The following CSMD1 variants were observed in gnomAD, a reference collection of about 807,000 sequenced individuals.
CSMD1 encodes the protein CUB and sushi domain-containing protein 1.
In CSMD1, 213 loss-of-function variants were observed where a neutral mutation model predicts 417.5. The ratio of observed to expected loss-of-function variants is 0.51; its 90% CI spans 0.46 to 0.57. CSMD1 has a LOEUF of 0.57. Ranked by LOEUF, CSMD1 falls within the 20% of genes least tolerant of loss-of-function variation. The pLI is 0.00. For missense variants in CSMD1, 6,923 were observed against 4,529.7 expected (o/e 1.53, Z -15.17); for synonymous variants, 2,862 against 1,736.8 (o/e 1.65, Z -16.11).
chr8:3,942,757 T>C (rs1328153528), intron 5 of CSMD1, among the ~76,000 whole-genome samples: 3 of 152,188 alleles, frequency 2.0e-5, no homozygotes, highest in Non-Finnish European at 4.4e-5. Flanking sequence ...GTGAAGTCTG[T>C]ATTTATTACT....
At chr8:4,856,445 G>A (rs1446852877) in intron 1 of CSMD1, among the ~76,000 whole-genome samples, 1 of 141,190 alleles carries the variant, frequency 7.1e-6, no homozygotes, top group South Asian at 2.2e-4. Flanking sequence ...TGGACTAAAT[G>A]CTCCAATTAA....
chr8:3,788,283 CT>C (rs1338064340), intron 5 of CSMD1, among the ~76,000 whole-genome samples: 1 of 152,264 alleles, frequency 6.6e-6, no homozygotes, highest in East Asian at 1.9e-4. Context: ...TCTTAAGGAA[CT>C]TTTTCATAGC....
At position 3,924,236 on chromosome 8, in the gene CSMD1, G is replaced by C. The variant is rs74538299; in HGVS notation, c.818+73667C>G. Among the ~76,000 whole-genome samples the C allele has an allele frequency of 5.8e-3, 878 of 152,296 alleles. 9 individuals are homozygous for C. The highest frequency in any genetic ancestry group is 8.7e-3 in the Non-Finnish European group (591 of 68,028). On this transcript the variant is annotated intron_variant, in intron 5 of 69. Transcript: ENST00000635120. ...TCCATTTTTTCCTGGTCTTCAGAAAGATGCTGATGTTCTTGTAGGGATACC... is the reference window on the plus strand; with the variant it reads ...TCCATTTTTTCCTGGTCTTCAGAAACATGCTGATGTTCTTGTAGGGATACC...
intron 3 of CSMD1, among the ~76,000 whole-genome samples, chr8:4,057,806 C>T (rs561852772): frequency 2.0e-5 from 3 of 152,296 alleles, no homozygotes; most frequent in South Asian, 2.1e-4. Context: ...TTCCCCATTG[C>T]TTGTTTTTGT....
intron 5 of CSMD1, among the ~76,000 whole-genome samples, chr8:3,819,103 G>T (rs1801566414): frequency 1.3e-5 from 2 of 152,188 alleles, no homozygotes; most frequent in Non-Finnish European, 2.9e-5. Flanking sequence ...AGAGAAAAGT[G>T]TAGGAGGAGA....
intron 3 of CSMD1, among the ~76,000 whole-genome samples, chr8:4,212,174 T>TTATATATATATATATA (rs10682206): frequency 1.8e-4 from 26 of 145,710 alleles, no homozygotes; most frequent in African/African-American, 6.0e-4. Context: ...ACTTCCCTAT[T>TTATATATATATATATA]TATATATATA....
chr8:3,609,880 G>A (rs1372495140), intron 8 of CSMD1, among the ~76,000 whole-genome samples: 1 of 134,346 alleles, frequency 7.4e-6, no homozygotes, highest in Non-Finnish European at 1.5e-5. Context: ...GTGAAGTGGT[G>A]CGATCTCGGC....
At chr8:3,983,826 C>G (rs1365917686) in intron 5 of CSMD1, among the ~76,000 whole-genome samples, 2 of 144,972 alleles carry the variant, frequency 1.4e-5, no homozygotes, top group Non-Finnish European at 1.5e-5. Flanking sequence ...TCCAGAGCAC[C>G]TGGCAGATCT....
chr8:3,701,311 C>G (rs1290419535), intron 7 of CSMD1, among the ~76,000 whole-genome samples: 1 of 152,132 alleles, frequency 6.6e-6, no homozygotes, highest in Non-Finnish European at 1.5e-5. Context: ...TTTCTTCTCT[C>G]TTTATTTCTC....
intron 1 of CSMD1, among the ~76,000 whole-genome samples, chr8:4,745,811 T>C (rs905012738): frequency 1.7e-4 from 26 of 152,150 alleles, no homozygotes; most frequent in Non-Finnish European, 5.9e-5. Context: ...GAGATGCTAG[T>C]ACAAATGAGG....
intron 1 of CSMD1, among the ~76,000 whole-genome samples, chr8:4,897,574 C>T (rs1320769108): frequency 6.6e-6 from 1 of 151,888 alleles, no homozygotes; most frequent in African/African-American, 2.4e-5. Flanking sequence ...TTTGTTACTC[C>T]GTTTTATAAA....
chr8:4,101,623 A>C (rs866381006), intron 3 of CSMD1, among the ~76,000 whole-genome samples: 1 of 152,344 alleles, frequency 6.6e-6, no homozygotes, highest in Middle Eastern at 3.4e-3. Flanking sequence ...GGACCTTCTG[A>C]AGTACCTTGG....
rs536728637 is a variant in CSMD1 at position 4,308,216 on chromosome 8, G to C, written c.415+111737C>G. On this transcript the variant is annotated intron_variant, in intron 3 of 69. Coordinates refer to ENST00000635120, the MANE Select transcript of CSMD1 (RefSeq NM_033225.6). The stretch of plus-strand genomic sequence containing the variant: ...GGTGAAGTCACTTGAGACTGTGTGG[G>C]ATGTGTGTGGTATGCAGTCATGTAT... 1.1e-3 allele frequency among the ~76,000 whole-genome samples: 173 copies of C among 152,232 alleles called. 1 individual carries two copies. The highest frequency in any genetic ancestry group is 1.9e-3 in the Non-Finnish European group (127 of 68,000).
intron 6 of CSMD1, among the ~76,000 whole-genome samples, chr8:3,733,599 G>A (rs912930826): frequency 8.6e-5 from 13 of 151,896 alleles, no homozygotes; most frequent in East Asian, 7.7e-4. Flanking sequence ...ACCCTGCACC[G>A]CCCTGCTGCA....
chr8:4,819,877 C>G (rs748737887), intron 1 of CSMD1, among the ~76,000 whole-genome samples: 5 of 151,876 alleles, frequency 3.3e-5, no homozygotes, highest in Non-Finnish European at 5.9e-5. Context: ...AAGGGAAGAA[C>G]TATCTGCCCT....
chr8:3,792,466 A>G (rs1054288867), intron 5 of CSMD1, among the ~76,000 whole-genome samples: 48 of 152,286 alleles, frequency 3.2e-4, no homozygotes, highest in African/African-American at 1.1e-3. Context: ...CGGAGAGCTT[A>G]CTTTTTGCCT....
At chr8:3,325,601 A>G (rs1001902168) in intron 23 of CSMD1, among the ~76,000 whole-genome samples, 10 of 152,312 alleles carry the variant, frequency 6.6e-5, no homozygotes, top group Non-Finnish European at 1.5e-4. Flanking sequence ...AGGCGGGCAA[A>G]TGGCCTGAGG....
At chr8:3,131,064 G>A (rs2129026432) in intron 41 of CSMD1, among the ~76,000 whole-genome samples, 1 of 152,282 alleles carries the variant, frequency 6.6e-6, no homozygotes, top group East Asian at 1.9e-4. Flanking sequence ...ATTCTGGGAA[G>A]TCTAATAAGT....
intron 5 of CSMD1, among the ~76,000 whole-genome samples, chr8:3,765,038 C>A (rs1369091881): frequency 1.3e-5 from 2 of 152,186 alleles, no homozygotes; most frequent in Admixed American, 1.3e-4. Context: ...ACCCACCATT[C>A]CTGGCTGCAC....
Sources: gnomAD v4.1 joint callset for allele counts (sites outside exome capture counted in the v4.1 genomes callset) on GRCh38, gnomAD v4.1.1 for gene constraint, MANE v1.5 for transcripts, NCBI Gene and HGNC (gene_info 2026-07-23, HGNC 2026-07-21) for gene names.